The following KCNMA1 variants were observed in gnomAD, a reference collection of about 807,000 sequenced individuals.
KCNMA1 encodes the protein potassium calcium-activated channel subfamily M alpha 1, also known as Calcium-activated potassium channel subunit alpha-1.
KCNMA1 carries 29 observed loss-of-function variants against 140.0 expected under a neutral mutation model. The observed-to-expected ratio is 0.21, with a 90% CI of 0.15 to 0.28. The LOEUF is 0.28. Among genes scored for constraint, KCNMA1 ranks in the 10% least tolerant of loss-of-function variants. KCNMA1 has a pLI of 1.00. For missense variants in KCNMA1, 880 were observed against 1,602.2 expected (o/e 0.55, Z 7.70); for synonymous variants, 612 against 611.9 (o/e 1.00, Z 0.00).
intron 1 of KCNMA1, among the ~76,000 whole-genome samples, chr10:77,529,238 T>TC (rs1567352161): frequency 2.4e-5 from 3 of 125,468 alleles, no homozygotes; most frequent in African/African-American, 3.5e-5. Context: ...TCCCCTCTTT[T>TC]TCCCCCTGCA....
chr10:77,004,478 T>C (rs2087697751), intron 18 of KCNMA1, among the ~76,000 whole-genome samples: 2 of 152,134 alleles, frequency 1.3e-5, no homozygotes, highest in South Asian at 4.1e-4. Flanking sequence ...TCTTAAAAGG[T>C]AAGACCTCCC....
intron 1 of KCNMA1, among the ~76,000 whole-genome samples, chr10:77,568,004 G>A (rs962303104): frequency 7.9e-5 from 12 of 152,154 alleles, no homozygotes; most frequent in Non-Finnish European, 1.6e-4. Context: ...TAAATTCCTC[G>A]ACACATACAC....
At chr10:77,138,770 T>C (rs145949791) in intron 5 of KCNMA1, among the ~76,000 whole-genome samples, 1 of 152,210 alleles carries the variant, frequency 6.6e-6, no homozygotes, top group Non-Finnish European at 1.5e-5. Context: ...CTGCACACAG[T>C]GTCTCTGCTC....
At chr10:77,298,018 T>C (rs960478857) in intron 2 of KCNMA1, among the ~76,000 whole-genome samples, 1 of 152,096 alleles carries the variant, frequency 6.6e-6, no homozygotes, top group Admixed American at 6.5e-5. Flanking sequence ...TCCTCACCAG[T>C]CAACTTCAAG....
chr10:77,001,335 G>T, intron 19 of KCNMA1, 72 bp downstream of exon 19: 2 of 1,391,850 alleles, frequency 1.4e-6, no homozygotes, highest in Non-Finnish European at 2.0e-6. Context: ...GAACCACAGG[G>T]CACAGCACAA....
intron 1 of KCNMA1, among the ~76,000 whole-genome samples, chr10:77,428,179 T>C (rs2097067315): frequency 6.6e-6 from 1 of 152,136 alleles, no homozygotes; most frequent in African/African-American, 2.4e-5. Flanking sequence ...AATGCCCCTC[T>C]CTACAGGTGG....
intron 23 of KCNMA1, among the ~76,000 whole-genome samples, chr10:76,934,455 C>T (rs1873695): frequency 0.15 from 23,550 of 152,242 alleles, 1,972 homozygotes; most frequent in African/African-American, 0.19. Context: ...GTGCTATCTT[C>T]ACAGCAGGTG....
intron 2 of KCNMA1, among the ~76,000 whole-genome samples, chr10:77,291,101 C>CT (rs2073083581): frequency 6.6e-6 from 1 of 152,218 alleles, no homozygotes. Context: ...CAAACCACAG[C>CT]TTCCCGTGCC....
At chr10:76,926,650 C>T (rs1357810851) in intron 23 of KCNMA1, among the ~76,000 whole-genome samples, 2 of 152,202 alleles carry the variant, frequency 1.3e-5, no homozygotes, top group African/African-American at 4.8e-5. Flanking sequence ...TTTAGATTAC[C>T]GTGCATCATA....
intron 3 of KCNMA1, among the ~76,000 whole-genome samples, chr10:77,246,426 C>T (rs1009841182): frequency 1.3e-5 from 2 of 152,166 alleles, no homozygotes; most frequent in South Asian, 4.1e-4. Flanking sequence ...ATGTTAGTTC[C>T]CTCCAACGAC....
intron 3 of KCNMA1, among the ~76,000 whole-genome samples, chr10:77,193,941 A>T (rs2039521489): frequency 6.6e-6 from 1 of 152,208 alleles, no homozygotes; most frequent in Non-Finnish European, 1.5e-5. Context: ...TCATGTAACC[A>T]CTACATTCTG....
At chr10:77,041,727 C>T (rs2094708218) in intron 14 of KCNMA1, among the ~76,000 whole-genome samples, 3 of 152,190 alleles carry the variant, frequency 2.0e-5, no homozygotes, top group Admixed American at 2.0e-4. Context: ...TTGGCTGCAG[C>T]CTCTCAGGCT....
intron 1 of KCNMA1, among the ~76,000 whole-genome samples, chr10:77,517,703 C>G (rs979757395): frequency 6.6e-6 from 1 of 152,160 alleles, no homozygotes; most frequent in East Asian, 1.9e-4. Flanking sequence ...CTCCTCCCAC[C>G]GTCTGCCTTG....
At chr10:77,083,116 G>A (rs2096617302) in intron 12 of KCNMA1, among the ~76,000 whole-genome samples, 2 of 152,150 alleles carry the variant, frequency 1.3e-5, no homozygotes, top group African/African-American at 4.8e-5. Flanking sequence ...CCGAAAGATG[G>A]CTGTTCACAG....
Position 77,637,391 on chromosome 10 carries a change from T to G in KCNMA1, c.252A>C (p.Gln84His). The G allele has an allele frequency of 1.2e-6, 2 of 1,613,876 alleles. No individual in the cohort carries two copies. Among genetic ancestry groups the G allele is most frequent in the Non-Finnish European group, 8.5e-7 (1 of 1,179,932 alleles). ...AGGCCAGGAAAGCCCACCACATGCGTTGGCCCCGGCTGTCGCACGGCACCT... is the reference window on the plus strand; with the variant it reads ...AGGCCAGGAAAGCCCACCACATGCGGTGGCCCCGGCTGTCGCACGGCACCT... ...TMEVPCDSRG[Q>H]RMWWAFLASS... Residue 84 changes from glutamine (Q) to histidine (H), a missense_variant, in exon 1 of 28, where the codon CAA (glutamine) becomes CAC (histidine). Physicochemically the swap from Gln to His is conservative, Grantham distance 24 (BLOSUM62 0). Transcript: ENST00000286628.
intron 16 of KCNMA1, among the ~76,000 whole-genome samples, chr10:77,022,595 A>T (rs2092984895): frequency 1.3e-5 from 2 of 152,216 alleles, no homozygotes; most frequent in South Asian, 4.1e-4. Flanking sequence ...ACAGTTGAGT[A>T]GAGGGGTACA....
intron 2 of KCNMA1, among the ~76,000 whole-genome samples, chr10:77,313,562 T>C (rs1007577234): frequency 6.6e-5 from 10 of 152,204 alleles, no homozygotes; most frequent in Non-Finnish European, 1.0e-4. Flanking sequence ...GGATGTGTCA[T>C]GCATGGGACC....
At chr10:77,083,892 C>T (rs2096639129) in intron 12 of KCNMA1, among the ~76,000 whole-genome samples, 1 of 151,684 alleles carries the variant, frequency 6.6e-6, no homozygotes, top group African/African-American at 2.4e-5. Context: ...GGCTTATAGT[C>T]AAATAGGTTT....
At chr10:77,602,201 G>A (rs768511857) in intron 1 of KCNMA1, among the ~76,000 whole-genome samples, 24 of 152,282 alleles carry the variant, frequency 1.6e-4, no homozygotes, top group African/African-American at 4.8e-4. Context: ...TGGGGGAGAC[G>A]GGGATGCGCT....
Sources: gnomAD v4.1 joint callset for allele counts (sites outside exome capture counted in the v4.1 genomes callset) on GRCh38, gnomAD v4.1.1 for gene constraint, MANE v1.5 for transcripts, NCBI Gene and HGNC (gene_info 2026-07-23, HGNC 2026-07-21) for gene names.